Variants in IKBIP observed in about 807,000 individuals in gnomAD.
IKBIP encodes IKBKB interacting protein, also known as inhibitor of nuclear factor kappa-B kinase-interacting protein.
IKBIP carries 28 observed loss-of-function variants against 31.0 expected under a neutral mutation model. That is an observed-to-expected ratio of 0.90 (90% CI 0.67 to 1.24). The LOEUF is 1.24. Among genes scored for constraint, IKBIP ranks in the 50% most tolerant of loss-of-function variants. The probability of loss-of-function intolerance (pLI) is 0.00; values close to 1 mark genes in which losing one functional copy is unlikely to be tolerated. For synonymous variants in IKBIP, 164 were observed against 160.3 expected (o/e 1.02, Z -0.17); for missense variants, 453 against 441.9 (o/e 1.03, Z -0.23).
At chr12:98,627,279 T>TAA (rs11412272) in intron 2 of IKBIP, among the ~76,000 whole-genome samples, 4,071 of 142,876 alleles carry the variant, frequency 0.028, 110 homozygotes, top group East Asian at 0.11. Context: ...AGCACTATGT[T>TAA]AAAAAAAAAA....
At chr12:98,622,212 T>C (rs1300958952), downstream of IKBIP, among the ~76,000 whole-genome samples, 1 of 151,688 alleles carries the variant, frequency 6.6e-6, no homozygotes, top group Non-Finnish European at 1.5e-5. Context: ...TGGGGTGGAG[T>C]ATTTTGATTT....
intron 1 of IKBIP, among the ~76,000 whole-genome samples, chr12:98,637,162 G>C (rs2097626436): frequency 6.6e-6 from 1 of 151,820 alleles, no homozygotes; most frequent in Non-Finnish European, 1.5e-5. Context: ...TATCATCTCT[G>C]ATAATTAGTA....
At chr12:98,642,874 C>T (rs540808963) in intron 1 of IKBIP, among the ~76,000 whole-genome samples, 30 of 152,178 alleles carry the variant, frequency 2.0e-4, no homozygotes, top group African/African-American at 7.0e-4. Context: ...GCTGGGAGTA[C>T]AGGCATGAGC....
chr12:98,634,516 T>G, intron 1 of IKBIP, 103 bp from the exon 2 acceptor site: 1 of 586,426 alleles, frequency 1.7e-6, no homozygotes, highest in Non-Finnish European at 3.0e-6. Context: ...ACATAAATTC[T>G]GGTATGGGTA....
intron 2 of IKBIP, among the ~76,000 whole-genome samples, chr12:98,618,453 T>C (rs574491618): frequency 6.9e-4 from 105 of 151,576 alleles, no homozygotes; most frequent in African/African-American, 1.3e-3. Flanking sequence ...AGTGAAACCC[T>C]GTCTCTACTA....
downstream of IKBIP, among the ~76,000 whole-genome samples, chr12:98,621,829 G>A (rs1168328455): frequency 3.9e-5 from 6 of 152,258 alleles, no homozygotes; most frequent in East Asian, 9.7e-4. Flanking sequence ...TGTAATCCCA[G>A]CACTTTGGGA....
intron 2 of IKBIP, among the ~76,000 whole-genome samples, chr12:98,632,406 T>A (rs995296284): frequency 4.4e-5 from 6 of 137,600 alleles, no homozygotes; most frequent in African/African-American, 1.6e-4. Context: ...GCCTGGGAGG[T>A]TGAGCTGTTA....
At chr12:98,644,442 G>T in intron 1 of IKBIP, 81 bp downstream of exon 1, 1 of 1,390,316 alleles carries the variant, frequency 7.2e-7, no homozygotes, top group Non-Finnish European at 9.6e-7. Flanking sequence ...GATCACCTCC[G>T]GCTGGATGTT....
chr12:98,620,630 G>A (rs563377510), downstream of IKBIP, among the ~76,000 whole-genome samples: 45 of 152,122 alleles, frequency 3.0e-4, no homozygotes, highest in Non-Finnish European at 5.9e-4. Context: ...CTCCCAAAGC[G>A]CTGAAATTAC....
chr12:98,634,245 G>A (rs2097623667), intron 2 of IKBIP, 51 bp downstream of exon 2: 1 of 842,122 alleles, frequency 1.2e-6, no homozygotes, highest in African/African-American at 1.7e-5. Flanking sequence ...AGAAATGATA[G>A]TGGGGTAGTA....
At chr12:98,634,773 G>C (rs1384139154) in intron 1 of IKBIP, among the ~76,000 whole-genome samples, 1 of 150,104 alleles carries the variant, frequency 6.7e-6, no homozygotes, top group Admixed American at 6.7e-5. Flanking sequence ...GCAGTGGCGC[G>C]ATCTAGGCTC....
chr12:98,643,817 CTTT>C (rs1163038325), intron 1 of IKBIP, among the ~76,000 whole-genome samples: 10 of 136,916 alleles, frequency 7.3e-5, no homozygotes, highest in Admixed American at 7.4e-5. Context: ...ATATGGTTTT[CTTT>C]TTTTTTTTTT....
downstream of IKBIP, among the ~76,000 whole-genome samples, chr12:98,619,268 A>C (rs1208033513): frequency 6.6e-6 from 1 of 152,260 alleles, no homozygotes; most frequent in Non-Finnish European, 1.5e-5. Flanking sequence ...CTAGACGGCT[A>C]CTTTAATCTA....
At chr12:98,628,449 C>T (rs1317350760) in intron 2 of IKBIP, among the ~76,000 whole-genome samples, 1 of 152,208 alleles carries the variant, frequency 6.6e-6, no homozygotes, top group African/African-American at 2.4e-5. Flanking sequence ...GTCTCAAATT[C>T]TCTAACCTCT....
intron 2 of IKBIP, 73 bp from the exon 3 acceptor site, chr12:98,626,839 T>G: frequency 8.1e-7 from 1 of 1,228,512 alleles, no homozygotes; most frequent in Non-Finnish European, 1.1e-6. Context: ...ACTTTAACAA[T>G]CAGGAGCATA....
intron 2 of IKBIP, among the ~76,000 whole-genome samples, chr12:98,618,786 C>T (rs552601766): frequency 1.3e-4 from 20 of 152,256 alleles, no homozygotes; most frequent in African/African-American, 4.3e-4. Flanking sequence ...GATTACTTGG[C>T]TAATGCCAAC....
intron 1 of IKBIP, among the ~76,000 whole-genome samples, chr12:98,643,974 C>T (rs1225746122): frequency 6.6e-6 from 1 of 152,134 alleles, no homozygotes; most frequent in Non-Finnish European, 1.5e-5. Context: ...CGCCACCACG[C>T]CCGGCTGATT....
At chr12:98,627,180 G>A (rs190300489) in intron 2 of IKBIP, among the ~76,000 whole-genome samples, 28 of 151,820 alleles carry the variant, frequency 1.8e-4, no homozygotes, top group African/African-American at 6.8e-4. Flanking sequence ...TGCTGGCCAG[G>A]CTGGTCTTGA....
At chr12:98,621,296 CCAGAATATG>C (rs2097609991), downstream of IKBIP, among the ~76,000 whole-genome samples, 1 of 152,052 alleles carries the variant, frequency 6.6e-6, no homozygotes, top group Non-Finnish European at 1.5e-5. Flanking sequence ...AATAAAGTGC[CCAGAATATG>C]CAGTGGCAAA....
Sources: allele counts gnomAD v4.1 joint callset (sites outside exome capture counted in the v4.1 genomes callset), GRCh38; gene constraint gnomAD v4.1.1; transcripts MANE v1.5; gene names NCBI Gene and HGNC (gene_info 2026-07-23, HGNC 2026-07-21).